The following TVP23B variants were observed in gnomAD, a reference collection of about 807,000 sequenced individuals.
TVP23B encodes Golgi apparatus membrane protein TVP23 homolog B.
TVP23B carries 10 observed loss-of-function variants against 30.6 expected under a neutral mutation model. The observed-to-expected ratio is 0.33, with a 90% CI of 0.20 to 0.55. The LOEUF (loss-of-function observed/expected upper bound fraction) is 0.55. Among genes scored for constraint, TVP23B ranks in the 20% least tolerant of loss-of-function variants. TVP23B has a pLI of 0.91. For missense variants in TVP23B, 153 were observed against 243.2 expected (o/e 0.63, Z 2.47); for synonymous variants, 67 against 83.1 (o/e 0.81, Z 1.06).
intron 2 of TVP23B, among the ~76,000 whole-genome samples, chr17:18,790,347 C>G (rs942757066): frequency 6.6e-6 from 1 of 151,372 alleles, no homozygotes; most frequent in Admixed American, 6.6e-5. Flanking sequence ...GCCTGTAGTC[C>G]CAGCTACTTG....
intron 5 of TVP23B, 22 bp downstream of exon 5, chr17:18,798,965 T>G (rs753385606): frequency 6.3e-7 from 1 of 1,596,996 alleles, no homozygotes; most frequent in South Asian, 1.1e-5. Context: ...TGTAGAACTT[T>G]CAAATAATCC....
intron 2 of TVP23B, among the ~76,000 whole-genome samples, chr17:18,790,246 C>T (rs1386608178): frequency 1.6e-4 from 24 of 152,130 alleles, no homozygotes; most frequent in Admixed American, 1.1e-3. Context: ...AGGTGGATCA[C>T]GAGGTCAGGA....
intron 4 of TVP23B, among the ~76,000 whole-genome samples, chr17:18,798,606 C>T (rs928331811): frequency 1.3e-5 from 2 of 152,092 alleles, no homozygotes; most frequent in Non-Finnish European, 1.5e-5. Context: ...ATCCATCCTG[C>T]CCTGAAAATG....
chr17:18,782,977 T>C lies in TVP23B; in HGVS notation c.12+1672T>C, dbSNP rs189631787. Reference sequence around the variant, plus strand: ...TCAGCCTCATTTTACCCAGCTCCTATTGAAGATGGAGTTGTTCAGGTTCAC... The same window carrying C: ...TCAGCCTCATTTTACCCAGCTCCTACTGAAGATGGAGTTGTTCAGGTTCAC... On this transcript the variant is annotated intron_variant, in intron 1 of 6. Coordinates refer to ENST00000307767, the MANE Select transcript of TVP23B (RefSeq NM_016078.6). Among the ~76,000 whole-genome samples the C allele has an allele frequency of 7.2e-3, 1,089 of 150,732 alleles. 15 individuals are homozygous for C. Among genetic ancestry groups the C allele is most frequent in the African/African-American group, 0.024 (980 of 40,922 alleles).
chr17:18,789,952 G>A (rs1312539095), intron 2 of TVP23B, among the ~76,000 whole-genome samples: 1 of 152,178 alleles, frequency 6.6e-6, no homozygotes, highest in Non-Finnish European at 1.5e-5. Context: ...AATCTGTAGA[G>A]ACAGAAGATA....
rs1464047757 is a variant in TVP23B, at chr17:18,805,548, G to T, written c.599G>T (p.Gly200Val). 1.2e-6 allele frequency: 2 copies of T among 1,607,368 alleles called. No individual in the cohort carries two copies. The highest frequency in any genetic ancestry group is 1.3e-5 in the African/African-American group (1 of 74,156). Residue 200 changes from glycine (G) to valine (V), a missense_variant, in exon 7 of 7, where the codon GGA (glycine) becomes GTA (valine). Gly to Val is a moderately radical substitution (Grantham distance 109). This residue lies in a region of TVP23B where 62 missense variants were observed against 74.3 expected (regional missense o/e 0.83). Coordinates refer to ENST00000307767, the MANE Select transcript of TVP23B (RefSeq NM_016078.6). Reference protein sequence around the residue: ...FGKQFLRQNTGDDQTS With the variant: ...FGKQFLRQNTVDDQTS The stretch of plus-strand genomic sequence containing the variant: ...TTTTTTTGTCTTTTGCAGAACACTG[G>T]AGATGATCAGACTTCCTGAATAGAG...
At chr17:18,791,437 T>C (rs2035993256) in intron 3 of TVP23B, among the ~76,000 whole-genome samples, 1 of 150,126 alleles carries the variant, frequency 6.7e-6, no homozygotes, top group African/African-American at 2.5e-5. Flanking sequence ...CCCAGTGTAG[T>C]TTGTCCACAA....
chr17:18,783,362 T>C (rs1283053205), intron 1 of TVP23B, among the ~76,000 whole-genome samples: 2 of 152,174 alleles, frequency 1.3e-5, no homozygotes, highest in Non-Finnish European at 2.9e-5. Flanking sequence ...CGCCTCAGCC[T>C]TCCAAAGTGC....
intron 1 of TVP23B, among the ~76,000 whole-genome samples, chr17:18,786,488 G>A (rs2035907197): frequency 6.6e-6 from 1 of 151,458 alleles, no homozygotes; most frequent in African/African-American, 2.4e-5. Flanking sequence ...AGTCTCCCTG[G>A]CCGCTGGATG....
At chr17:18,789,096 T>C (rs142614187) in intron 1 of TVP23B, 16 of 492,626 alleles carry the variant, frequency 3.2e-5, no homozygotes, top group African/African-American at 2.1e-4. Context: ...ATCTGCACCC[T>C]AGAGTTTTCT....
At position 18,789,166 on chromosome 17, in the gene TVP23B, T is replaced by G. The variant is rs1332401390; in HGVS notation, c.13-187T>G. On this transcript the variant is annotated intron_variant, in intron 1 of 6. Transcript: ENST00000307767. Reference sequence around the variant, plus strand: ...CTGAGACTTCGATTATTCTCTGGGTTTTTTGCCAGATGATTTGAGGAGGCG... The same window carrying G: ...CTGAGACTTCGATTATTCTCTGGGTGTTTTGCCAGATGATTTGAGGAGGCG... 3.3e-6 allele frequency: 3 copies of G among 898,904 alleles called. No homozygotes were observed. In the African/African-American group the frequency reaches 5.1e-5, roughly 15 times the overall value. The allele number at this position is 898,904 out of a possible 1,614,324, so 55.7% of individuals were successfully genotyped here.
intron 1 of TVP23B, among the ~76,000 whole-genome samples, chr17:18,783,233 G>A (rs1337854806): frequency 6.6e-6 from 1 of 152,016 alleles, no homozygotes. Context: ...ACCCTCCAGA[G>A]TAGCTGGGAT....
chr17:18,783,945 GAC>G (rs1200800831), intron 1 of TVP23B, among the ~76,000 whole-genome samples: 2 of 152,174 alleles, frequency 1.3e-5, no homozygotes, highest in Non-Finnish European at 2.9e-5. Context: ...AGGAGATCGA[GAC>G]CATCCTGGCT....
At position 18,806,245 on chromosome 17, in the gene TVP23B, C is replaced by T. The variant is rs2036249287; in HGVS notation, c.*678C>T. ...GGAATACCCAGAGATTGCTGCTGTT[C>T]TATTTATTTTACAGAAAGGATAGCT... On this transcript the variant is annotated 3_prime_UTR_variant, in exon 7 of 7. Coordinates refer to ENST00000307767, the MANE Select transcript of TVP23B (RefSeq NM_016078.6). 3 of 962,062 alleles carry T rather than the reference C, an allele frequency of 3.1e-6. No individual in the cohort carries two copies. Among genetic ancestry groups the T allele is most frequent in the Non-Finnish European group, 3.7e-6 (3 of 808,782 alleles). 59.6% of individuals were successfully genotyped at this position (962,062 alleles called of 1,614,324 possible).
intron 1 of TVP23B, chr17:18,782,461 C>T (rs1395386090): frequency 6.7e-6 from 1 of 149,990 alleles, no homozygotes; most frequent in African/African-American, 2.5e-5. Flanking sequence ...AGCCGCGGGC[C>T]ACTGCACTCC....
chr17:18,799,012 C>T (rs1358921012), intron 5 of TVP23B, 69 bp downstream of exon 5: 7 of 1,548,640 alleles, frequency 4.5e-6, no homozygotes, highest in Non-Finnish European at 6.1e-6. Flanking sequence ...GAAGCAACAA[C>T]TACAACTGAG....
intron 1 of TVP23B, among the ~76,000 whole-genome samples, chr17:18,784,165 C>A (rs2035864144): frequency 6.7e-6 from 1 of 148,504 alleles, no homozygotes; most frequent in African/African-American, 2.5e-5. Flanking sequence ...AACAAACAAA[C>A]AAAACAAACT....
intron 6 of TVP23B, chr17:18,804,654 T>C: frequency 9.8e-7 from 1 of 1,019,486 alleles, no homozygotes; most frequent in Non-Finnish European, 1.2e-6. Context: ...AGTGGTGCAA[T>C]CTTGGCTCAC....
intron 4 of TVP23B, among the ~76,000 whole-genome samples, chr17:18,798,309 A>G (rs1463667898): frequency 6.6e-6 from 1 of 152,152 alleles, no homozygotes; most frequent in Non-Finnish European, 1.5e-5. Context: ...GTATTCTTTT[A>G]TATTATAGAA....
Sources: allele counts gnomAD v4.1 joint callset (sites outside exome capture counted in the v4.1 genomes callset), GRCh38; gene constraint gnomAD v4.1.1; regional missense constraint gnomAD v4.1.1; transcripts MANE v1.5; gene names NCBI Gene and HGNC (gene_info 2026-07-23, HGNC 2026-07-21).